The following PXDNL variants were observed in gnomAD, a reference collection of about 807,000 sequenced individuals.
PXDNL encodes probable oxidoreductase PXDNL.
A neutral mutation model predicts 150.8 loss-of-function variants in PXDNL; 145 were observed. The ratio of observed to expected loss-of-function variants is 0.96; its 90% CI spans 0.84 to 1.10. The LOEUF (loss-of-function observed/expected upper bound fraction) is 1.10. Among genes scored for constraint, PXDNL ranks in the 50% least tolerant of loss-of-function variants. PXDNL has a pLI of 0.00. For missense variants in PXDNL, 2,087 were observed against 1,873.9 expected, an observed-to-expected ratio of 1.11 and a Z score of -2.10; for synonymous variants, 757 against 725.7, an observed-to-expected ratio of 1.04 and a Z score of -0.69.
chr8:51,371,866 T>C lies in PXDNL; in HGVS notation c.3901+7A>G. The C allele has an allele frequency of 6.2e-7, 1 of 1,611,438 alleles. No homozygotes were observed. The highest frequency in any genetic ancestry group is 8.5e-7 in the Non-Finnish European group (1 of 1,178,034). On this transcript the variant is annotated splice_region_variant and intron_variant, in intron 19 of 22. Transcript: ENST00000356297. ...ATCCAGATCGTGCTCATTGCATTATTACTGACCTGCACAGCAGTCTTGCCA... is the reference window on the plus strand; with the variant it reads ...ATCCAGATCGTGCTCATTGCATTATCACTGACCTGCACAGCAGTCTTGCCA...
chr8:51,592,212 A>C (rs1205211181), intron 3 of PXDNL, among the ~76,000 whole-genome samples: 1 of 152,222 alleles, frequency 6.6e-6, no homozygotes, highest in Non-Finnish European at 1.5e-5. Flanking sequence ...GTTCCTAACT[A>C]ACTGTAATGT....
intron 2 of PXDNL, among the ~76,000 whole-genome samples, chr8:51,608,652 A>G (rs1198091051): frequency 6.7e-6 from 1 of 148,934 alleles, no homozygotes; most frequent in Middle Eastern, 3.5e-3. Flanking sequence ...CCTGGCTAAC[A>G]CGGTGAAACC....
intron 2 of PXDNL, among the ~76,000 whole-genome samples, chr8:51,605,456 T>C (rs1253528880): frequency 6.6e-6 from 1 of 151,920 alleles, no homozygotes; most frequent in Admixed American, 6.6e-5. Context: ...TTCAAAAATA[T>C]GAAATGCATA....
chr8:51,407,612 C>T (rs1250323207), intron 17 of PXDNL, among the ~76,000 whole-genome samples: 1 of 152,178 alleles, frequency 6.6e-6, no homozygotes, highest in African/African-American at 2.4e-5. Context: ...AAAGCCCTAA[C>T]TTAAATTCCG....
At chr8:51,368,996 A>C (rs1586041499) in intron 19 of PXDNL, among the ~76,000 whole-genome samples, 1 of 151,744 alleles carries the variant, frequency 6.6e-6, no homozygotes, top group African/African-American at 2.4e-5. Context: ...ACTCTGTTTC[A>C]AAAAAAATAA....
At chr8:51,368,481 T>TA (rs1806985646) in intron 19 of PXDNL, among the ~76,000 whole-genome samples, 1 of 151,974 alleles carries the variant, frequency 6.6e-6, no homozygotes, top group African/African-American at 2.4e-5. Context: ...AAGATGCTGG[T>TA]ATCAGTATTA....
intron 1 of PXDNL, among the ~76,000 whole-genome samples, chr8:51,729,786 C>T (rs1318928565): frequency 1.3e-5 from 2 of 152,110 alleles, no homozygotes; most frequent in South Asian, 2.1e-4. Context: ...AGTACATCCA[C>T]ACCAGGAACT....
intron 12 of PXDNL, among the ~76,000 whole-genome samples, chr8:51,437,285 T>C (rs1040558643): frequency 3.3e-5 from 5 of 152,196 alleles, no homozygotes; most frequent in Non-Finnish European, 5.9e-5. Context: ...ATCACTCTTA[T>C]TGACACTATT....
At chr8:51,594,641 G>A (rs1813523001) in intron 2 of PXDNL, among the ~76,000 whole-genome samples, 1 of 152,040 alleles carries the variant, frequency 6.6e-6, no homozygotes, top group East Asian at 1.9e-4. Context: ...TTTTATTGCT[G>A]ACAAGAAATC....
At chr8:51,595,308 C>T (rs148645643) in intron 2 of PXDNL, among the ~76,000 whole-genome samples, 1 of 151,904 alleles carries the variant, frequency 6.6e-6, no homozygotes, top group African/African-American at 2.4e-5. Context: ...TTATTAAAAA[C>T]CAATAAATGA....
At chr8:51,796,093 C>T (rs1333240912) in intron 1 of PXDNL, among the ~76,000 whole-genome samples, 1 of 152,142 alleles carries the variant, frequency 6.6e-6, no homozygotes, top group African/African-American at 2.4e-5. Context: ...TCTCGGCCTT[C>T]CAAGAAGGTT....
intron 2 of PXDNL, among the ~76,000 whole-genome samples, chr8:51,629,358 TTA>T (rs1247964621): frequency 6.6e-6 from 1 of 151,886 alleles, no homozygotes. Context: ...TCAACTGAAA[TTA>T]TCCAGCCTGA....
At chr8:51,540,122 T>A (rs1274500245) in intron 4 of PXDNL, among the ~76,000 whole-genome samples, 1 of 152,132 alleles carries the variant, frequency 6.6e-6, no homozygotes, top group Non-Finnish European at 1.5e-5. Context: ...GGTCTCGAAC[T>A]CCTGGCCTCA....
chr8:51,469,902 G>A (rs537485211), intron 8 of PXDNL, among the ~76,000 whole-genome samples: 10 of 152,052 alleles, frequency 6.6e-5, no homozygotes, highest in Middle Eastern at 6.8e-3. Context: ...CATTTTGACA[G>A]ACATTTTTAC....
chr8:51,449,326 A>T (rs976406817), intron 10 of PXDNL, among the ~76,000 whole-genome samples: 1 of 152,266 alleles, frequency 6.6e-6, no homozygotes, highest in Non-Finnish European at 1.5e-5. Context: ...TGGTCTGCAA[A>T]GCAAAACAGC....
intron 1 of PXDNL, among the ~76,000 whole-genome samples, chr8:51,660,341 C>T (rs1318847535): frequency 6.6e-6 from 1 of 152,162 alleles, no homozygotes; most frequent in African/African-American, 2.4e-5. Context: ...AACTTGAGCC[C>T]CTTCCTGAGG....
At chr8:51,577,450 T>A (rs1813079654) in intron 3 of PXDNL, among the ~76,000 whole-genome samples, 1 of 150,642 alleles carries the variant, frequency 6.6e-6, no homozygotes. Context: ...TGGATTTTAT[T>A]TATTACTTTG....
chr8:51,449,455 TTA>T (rs1225345262), intron 10 of PXDNL, among the ~76,000 whole-genome samples: 3 of 152,218 alleles, frequency 2.0e-5, no homozygotes, highest in African/African-American at 7.2e-5. Context: ...AAATTGTACT[TTA>T]AACTATTAAC....
At chr8:51,701,310 T>A (rs1412892220) in intron 1 of PXDNL, among the ~76,000 whole-genome samples, 2 of 152,200 alleles carry the variant, frequency 1.3e-5, no homozygotes, top group African/African-American at 4.8e-5. Flanking sequence ...AGTGAGTCAC[T>A]GGCCTCCTTC....
Sources: allele counts gnomAD v4.1 joint callset (sites outside exome capture counted in the v4.1 genomes callset), GRCh38; gene constraint gnomAD v4.1.1; transcripts MANE v1.5; gene names NCBI Gene and HGNC (gene_info 2026-07-23, HGNC 2026-07-21).